The following DIS3L2 variants were observed in gnomAD, a reference collection of about 807,000 sequenced individuals.
DIS3L2 encodes the protein DIS3-like exonuclease 2.
A neutral mutation model predicts 97.5 loss-of-function variants in DIS3L2; 34 were observed. The observed-to-expected ratio is 0.35, with a 90% CI of 0.27 to 0.46. The LOEUF (loss-of-function observed/expected upper bound fraction) is 0.46. Ranked by LOEUF, DIS3L2 falls within the 20% of genes least tolerant of loss-of-function variation. DIS3L2 has a pLI of 1.00. For synonymous variants in DIS3L2, 435 were observed against 445.2 expected, an observed-to-expected ratio of 0.98 and a Z score of 0.29; for missense variants, 1,038 against 1,146.0, an observed-to-expected ratio of 0.91 and a Z score of 1.36.
chr2:232,297,007 G>A (rs1694740304), intron 13 of DIS3L2, among the ~76,000 whole-genome samples: 1 of 152,164 alleles, frequency 6.6e-6, no homozygotes, highest in Non-Finnish European at 1.5e-5. Context: ...GGTCACCACA[G>A]CATTGTGTGG....
intron 6 of DIS3L2, among the ~76,000 whole-genome samples, chr2:232,127,633 GCTTCTTA>G (rs1293893147): frequency 3.9e-5 from 6 of 152,104 alleles, no homozygotes; most frequent in African/African-American, 1.4e-4. Context: ...TTAAATTCTG[GCTTCTTA>G]TGTTCTGCAA....
At chr2:232,185,310 A>G (rs1441499739) in intron 9 of DIS3L2, among the ~76,000 whole-genome samples, 1 of 152,254 alleles carries the variant, frequency 6.6e-6, no homozygotes, top group African/African-American at 2.4e-5. Context: ...AAATATCTAG[A>G]CACTTGGAAA....
chr2:232,210,950 A>T (rs747382242), intron 10 of DIS3L2, among the ~76,000 whole-genome samples: 5 of 152,018 alleles, frequency 3.3e-5, no homozygotes, highest in Non-Finnish European at 5.9e-5. Flanking sequence ...AGGCAAACTG[A>T]TAAGGGCTCT....
At chr2:232,256,647 A>G (rs1181994685) in intron 12 of DIS3L2, among the ~76,000 whole-genome samples, 1 of 152,032 alleles carries the variant, frequency 6.6e-6, no homozygotes, top group Admixed American at 6.6e-5. Flanking sequence ...AGTACCTTTC[A>G]TTCCTCCTTC....
chr2:232,014,338 G>A (rs1371728067), intron 1 of DIS3L2, among the ~76,000 whole-genome samples: 1 of 152,218 alleles, frequency 6.6e-6, no homozygotes, highest in East Asian at 1.9e-4. Context: ...GGGACGTCAA[G>A]TTGTGACAAT....
At chr2:232,030,457 T>C (rs1416523064) in intron 5 of DIS3L2, among the ~76,000 whole-genome samples, 2 of 152,230 alleles carry the variant, frequency 1.3e-5, no homozygotes, top group African/African-American at 4.8e-5. Flanking sequence ...TCCCCACGCA[T>C]TTCTGCTGCC....
chr2:231,996,790 G>A (rs1693745309), intron 1 of DIS3L2, among the ~76,000 whole-genome samples: 1 of 152,110 alleles, frequency 6.6e-6, no homozygotes, highest in Non-Finnish European at 1.5e-5. Flanking sequence ...GACTGTGGAG[G>A]CTTTCTATTT....
At chr2:232,155,336 C>T (rs1690461704) in intron 8 of DIS3L2, among the ~76,000 whole-genome samples, 1 of 152,120 alleles carries the variant, frequency 6.6e-6, no homozygotes, top group Admixed American at 6.5e-5. Context: ...CTCCTCCTCA[C>T]CCTCCCACCA....
intron 1 of DIS3L2, among the ~76,000 whole-genome samples, chr2:231,973,487 A>C (rs190403767): frequency 6.6e-6 from 1 of 152,324 alleles, no homozygotes; most frequent in East Asian, 1.9e-4. Flanking sequence ...TTCAGTAATA[A>C]AATATGGGAA....
chr2:232,110,614 C>T (rs111673828), intron 6 of DIS3L2, among the ~76,000 whole-genome samples: 5,318 of 152,180 alleles, frequency 0.035, 135 homozygotes, highest in African/African-American at 0.058. Context: ...AACCAAATAC[C>T]GTGTGTTCTC....
At chr2:232,184,291 T>C (rs927628425) in intron 9 of DIS3L2, among the ~76,000 whole-genome samples, 5 of 152,162 alleles carry the variant, frequency 3.3e-5, no homozygotes, top group African/African-American at 9.7e-5. Flanking sequence ...AAGAAGACAG[T>C]GTCCTGCAGA....
intron 12 of DIS3L2, among the ~76,000 whole-genome samples, chr2:232,249,669 G>T (rs1159819591): frequency 6.6e-6 from 1 of 152,222 alleles, no homozygotes; most frequent in Non-Finnish European, 1.5e-5. Context: ...ATTGGCAAAG[G>T]CAGGAGGGGC....
Position 232,276,716 on chromosome 2 carries a change from C to T in DIS3L2, c.1659+13276C>T, listed in dbSNP as rs1694151253. Reference sequence around the variant, plus strand: ...AGAGCATGGACCCTGGGTCAGACTGCCTGGGTTCTGATCCCGACTCCCTCA... The same window carrying T: ...AGAGCATGGACCCTGGGTCAGACTGTCTGGGTTCTGATCCCGACTCCCTCA... On this transcript the variant is annotated intron_variant, in intron 13 of 20. Transcript: ENST00000325385. The surrounding 1 kb of genome is among the most constrained non-coding windows in gnomAD (Gnocchi z 4.4). 6.6e-6 allele frequency among the ~76,000 whole-genome samples: 1 copy of T among 152,222 alleles called. No individual in the cohort carries two copies. The highest frequency in any genetic ancestry group is 1.5e-5 in the Non-Finnish European group (1 of 68,042).
chr2:232,015,750 G>A, intron 3 of DIS3L2, 79 bp downstream of exon 3: 1 of 1,518,140 alleles, frequency 6.6e-7, no homozygotes, highest in Non-Finnish European at 8.9e-7. Flanking sequence ...CCTGTTCTGT[G>A]CTATATGCTT....
chr2:232,003,768 A>G (rs1388025379), intron 1 of DIS3L2, among the ~76,000 whole-genome samples: 5 of 152,110 alleles, frequency 3.3e-5, no homozygotes, highest in Non-Finnish European at 4.4e-5. Context: ...AAGTTATTCC[A>G]TTGTCTTTGG....
intron 6 of DIS3L2, among the ~76,000 whole-genome samples, chr2:232,112,942 G>A (rs1697584035): frequency 6.6e-6 from 1 of 152,128 alleles, no homozygotes; most frequent in African/African-American, 2.4e-5. Context: ...AGAGCTGGAT[G>A]ATAGGTAGAG....
At chr2:231,974,139 G>A (rs1272375641) in intron 1 of DIS3L2, among the ~76,000 whole-genome samples, 2 of 152,088 alleles carry the variant, frequency 1.3e-5, no homozygotes, top group Non-Finnish European at 2.9e-5. Flanking sequence ...GTCTGTGAGG[G>A]TGGATTTCAG....
chr2:232,063,032 G>T (rs1108677), intron 5 of DIS3L2, among the ~76,000 whole-genome samples: 111,104 of 151,950 alleles, frequency 0.73, 40,976 homozygotes, highest in African/African-American at 0.8. Flanking sequence ...GCTCATTCCT[G>T]TTTGTAACTA....
At chr2:232,311,901 G>A (rs1695144339) in intron 14 of DIS3L2, among the ~76,000 whole-genome samples, 2 of 152,156 alleles carry the variant, frequency 1.3e-5, no homozygotes, top group Admixed American at 6.5e-5. Flanking sequence ...GTGCACATAT[G>A]CATGTGTTGC....
Sources: gnomAD v4.1 joint callset for allele counts (sites outside exome capture counted in the v4.1 genomes callset) on GRCh38, gnomAD v4.1.1 for gene constraint, Gnocchi (gnomAD v3.1) non-coding constraint, MANE v1.5 for transcripts, NCBI Gene and HGNC (gene_info 2026-07-23, HGNC 2026-07-21) for gene names.